The following RGPD2 variants were observed in gnomAD, a reference collection of about 807,000 sequenced individuals.
RGPD2 encodes RANBP2 like and GRIP domain containing 2, also known as RANBP2-like and GRIP domain-containing protein 2.
A neutral mutation model predicts 36.0 loss-of-function variants in RGPD2; 2 were observed. The observed-to-expected ratio is 0.06, with a 90% CI of 0.02 to 0.17. The LOEUF is 0.17. Among genes scored for constraint, RGPD2 ranks in the 10% least tolerant of loss-of-function variants. RGPD2 has a pLI of 1.00. For synonymous variants in RGPD2, 19 were observed against 163.8 expected (o/e 0.12, Z 6.75); for missense variants, 40 against 464.3 (o/e 0.09, Z 8.40).
At chr2:87,958,454 T>C in the RGPD2 span, among the ~76,000 whole-genome samples, 1 of 152,236 alleles carries the variant, frequency 6.6e-6, no homozygotes, top group Non-Finnish European at 1.5e-5. Context: ...TTGAGAGATG[T>C]GGAAATATTC....
At chr2:87,971,569 T>C in the RGPD2 span, among the ~76,000 whole-genome samples, 2 of 145,014 alleles carry the variant, frequency 1.4e-5, no homozygotes, top group African/African-American at 2.5e-5. Flanking sequence ...TTGAGTATCA[T>C]GAGGGTTCCA....
upstream of RGPD2, among the ~76,000 whole-genome samples, chr2:87,827,060 T>C: frequency 6.6e-6 from 1 of 150,752 alleles, no homozygotes; most frequent in African/African-American, 2.4e-5. Context: ...TCAGAAAGAC[T>C]TTCTCTCTGT....
chr2:87,913,777 A>G, the RGPD2 span, among the ~76,000 whole-genome samples: 1 of 151,988 alleles, frequency 6.6e-6, no homozygotes, highest in Non-Finnish European at 1.5e-5. Flanking sequence ...TAACAACGAG[A>G]AATTCATTAT....
At chr2:87,843,716 A>G in the RGPD2 span, among the ~76,000 whole-genome samples, 1 of 152,222 alleles carries the variant, frequency 6.6e-6, no homozygotes, top group Non-Finnish European at 1.5e-5. Context: ...TACTGGGTAT[A>G]TACCCAAAGG....
intron 2 of RGPD2, among the ~76,000 whole-genome samples, chr2:87,818,280 C>T (rs1363293860): frequency 6.4e-5 from 5 of 78,102 alleles, no homozygotes. Flanking sequence ...AGGCATGGTC[C>T]TCTTTTACTC....
chr2:87,945,155 TTATG>T, the RGPD2 span, among the ~76,000 whole-genome samples: 1 of 152,196 alleles, frequency 6.6e-6, no homozygotes, highest in Non-Finnish European at 1.5e-5. Flanking sequence ...TTTAGATTGT[TTATG>T]TGGGAAGCAA....
the RGPD2 span, among the ~76,000 whole-genome samples, chr2:87,924,505 C>A: frequency 6.6e-6 from 1 of 152,182 alleles, no homozygotes; most frequent in Non-Finnish European, 1.5e-5. Context: ...TTTTCACATG[C>A]CTTTTTCATC....
At chr2:87,897,038 G>T in the RGPD2 span, among the ~76,000 whole-genome samples, 66 of 152,392 alleles carry the variant, frequency 4.3e-4, no homozygotes, top group Non-Finnish European at 6.9e-4. Context: ...TTAGTCTTCC[G>T]CATGAAAAGC....
intron 22 of RGPD2, among the ~76,000 whole-genome samples, chr2:87,769,716 C>T (rs1028295584): frequency 6.6e-6 from 1 of 151,732 alleles, no homozygotes; most frequent in Admixed American, 6.6e-5. Context: ...AAAATGCAAA[C>T]ATTCTTAAAG....
chr2:87,972,016 A>G, the RGPD2 span, among the ~76,000 whole-genome samples: 43 of 148,832 alleles, frequency 2.9e-4, no homozygotes, highest in African/African-American at 1.1e-3. Context: ...GTAAAACTAA[A>G]ACATAAACCA....
chr2:87,843,717 T>C, the RGPD2 span, among the ~76,000 whole-genome samples: 1 of 152,190 alleles, frequency 6.6e-6, no homozygotes, highest in Admixed American at 6.5e-5. Context: ...ACTGGGTATA[T>C]ACCCAAAGGA....
the RGPD2 span, among the ~76,000 whole-genome samples, chr2:87,971,443 AAT>A: frequency 7.4e-6 from 1 of 134,716 alleles, no homozygotes; most frequent in African/African-American, 2.7e-5. Context: ...ATATATATAT[AAT>A]ATGAATATTA....
At chr2:87,905,256 A>G in the RGPD2 span, among the ~76,000 whole-genome samples, 28,303 of 141,096 alleles carry the variant, frequency 0.2, no homozygotes, top group African/African-American at 0.37. Context: ...GAGACACCTC[A>G]CTGAACTGGA....
chr2:87,951,624 G>A, the RGPD2 span, among the ~76,000 whole-genome samples: 7 of 151,454 alleles, frequency 4.6e-5, no homozygotes, highest in South Asian at 2.1e-4. Context: ...ACAGAGTCTC[G>A]CCCTGTACCC....
the RGPD2 span, among the ~76,000 whole-genome samples, chr2:87,922,412 G>A: frequency 6.8e-6 from 1 of 147,496 alleles, no homozygotes; most frequent in Non-Finnish European, 1.5e-5. Flanking sequence ...TACCTAAAAA[G>A]TGGAATATGA....
chr2:87,932,623 G>A, the RGPD2 span, among the ~76,000 whole-genome samples: 3 of 149,284 alleles, frequency 2.0e-5, no homozygotes, highest in Non-Finnish European at 3.0e-5. Context: ...GATTTCTTCA[G>A]GAGCTCTTGT....
At chr2:87,930,832 GTTT>G in the RGPD2 span, among the ~76,000 whole-genome samples, 5 of 137,038 alleles carry the variant, frequency 3.6e-5, no homozygotes, top group Admixed American at 1.5e-4. Context: ...ATTTCTTCCA[GTTT>G]TTTTTTTTTT....
the RGPD2 span, among the ~76,000 whole-genome samples, chr2:87,855,620 TG>T: frequency 2.0e-5 from 3 of 146,550 alleles, no homozygotes; most frequent in Admixed American, 6.8e-5. Flanking sequence ...CACTTTTTTT[TG>T]GGGGGGTGGG....
At chr2:87,929,272 C>G in the RGPD2 span, among the ~76,000 whole-genome samples, 3 of 150,024 alleles carry the variant, frequency 2.0e-5, no homozygotes, top group Non-Finnish European at 3.0e-5. Flanking sequence ...TCTGCATACA[C>G]ACAATCCTTT....
Sources: allele counts gnomAD v4.1 joint callset (sites outside exome capture counted in the v4.1 genomes callset), GRCh38; gene constraint gnomAD v4.1.1; transcripts MANE v1.5; gene names NCBI Gene and HGNC (gene_info 2026-07-23, HGNC 2026-07-21).